Variants in CDH20 observed in about 807,000 individuals in gnomAD.
CDH20 encodes the protein cadherin-20.
In CDH20, 29 loss-of-function variants were observed where a neutral mutation model predicts 74.2. The observed-to-expected ratio is 0.39, with a 90% CI of 0.29 to 0.53. The LOEUF is 0.53. Ranked by LOEUF, CDH20 falls within the 20% of genes least tolerant of loss-of-function variation. The pLI, the probability that CDH20 is intolerant of heterozygous loss-of-function variation, is 0.69. For synonymous variants in CDH20, 469 were observed against 405.4 expected, an observed-to-expected ratio of 1.16 and a Z score of -1.88; for missense variants, 988 against 1,048.3, an observed-to-expected ratio of 0.94 and a Z score of 0.79.
chr18:61,340,226 C>CTTCTTTTTTTT (rs1555669260), intron 1 of CDH20, among the ~76,000 whole-genome samples: 1 of 119,738 alleles, frequency 8.4e-6, no homozygotes, highest in African/African-American at 3.0e-5. Flanking sequence ...CTTCAGCCTT[C>CTTCTTTTTTTT]TTTTTTTTTT....
intron 2 of CDH20, among the ~76,000 whole-genome samples, chr18:61,493,237 C>T (rs1036601849): frequency 1.3e-5 from 2 of 152,114 alleles, no homozygotes; most frequent in Admixed American, 1.3e-4. Flanking sequence ...GCCAGTTTCT[C>T]TCGGATGCAT....
chr18:61,343,517 C>A (rs1910020345), intron 1 of CDH20, among the ~76,000 whole-genome samples: 2 of 152,102 alleles, frequency 1.3e-5, no homozygotes, highest in Non-Finnish European at 2.9e-5. Flanking sequence ...CCTTTAGATA[C>A]CCAGTGTTTC....
At chr18:61,477,494 T>A (rs1158274632) in intron 1 of CDH20, among the ~76,000 whole-genome samples, 4 of 152,240 alleles carry the variant, frequency 2.6e-5, no homozygotes, top group East Asian at 3.8e-4. Flanking sequence ...GTGGCAACAA[T>A]GTTAGAAATT....
chr18:61,391,064 A>C (rs1027893839), intron 1 of CDH20, among the ~76,000 whole-genome samples: 1 of 152,232 alleles, frequency 6.6e-6, no homozygotes, highest in African/African-American at 2.4e-5. Context: ...GCGAACAAAA[A>C]TCTAGCAAAC....
chr18:61,515,794 G>C (rs1409010067), intron 6 of CDH20, among the ~76,000 whole-genome samples: 1 of 132,650 alleles, frequency 7.5e-6, no homozygotes, highest in Non-Finnish European at 1.6e-5. Context: ...CGGGGGAGGG[G>C]GGAGGGATAG....
intron 6 of CDH20, among the ~76,000 whole-genome samples, chr18:61,510,559 G>A (rs1911742132): frequency 6.6e-6 from 1 of 152,160 alleles, no homozygotes; most frequent in African/African-American, 2.4e-5. Context: ...CTTCAGAAGG[G>A]AATAAGGGAC....
chr18:61,462,819 C>G (rs577584850), intron 1 of CDH20, among the ~76,000 whole-genome samples: 60 of 151,950 alleles, frequency 3.9e-4, no homozygotes, highest in Non-Finnish European at 7.4e-4. Context: ...AACACACCTG[C>G]CTGGATGGCA....
intron 1 of CDH20, among the ~76,000 whole-genome samples, chr18:61,424,760 T>C (rs1913010280): frequency 6.6e-6 from 1 of 152,216 alleles, no homozygotes. Context: ...ACCTACCCTC[T>C]GCTAATAAAA....
intron 6 of CDH20, among the ~76,000 whole-genome samples, chr18:61,526,694 G>GAA (rs529531633): frequency 6.7e-6 from 1 of 148,434 alleles, no homozygotes; most frequent in Non-Finnish European, 1.5e-5. Flanking sequence ...TATTTATTTT[G>GAA]AAAAAAAAAA....
At chr18:61,477,907 A>G (rs1373073878) in intron 1 of CDH20, among the ~76,000 whole-genome samples, 1 of 152,130 alleles carries the variant, frequency 6.6e-6, no homozygotes, top group East Asian at 1.9e-4. Flanking sequence ...GTGAAAGTAA[A>G]ATGTTTTTTG....
At chr18:61,340,584 T>C (rs1277329291) in intron 1 of CDH20, among the ~76,000 whole-genome samples, 1 of 152,228 alleles carries the variant, frequency 6.6e-6, no homozygotes, top group African/African-American at 2.4e-5. Flanking sequence ...CTAAGTGTAC[T>C]CATAAGTATT....
At chr18:61,451,680 A>G (rs1909392036) in intron 1 of CDH20, among the ~76,000 whole-genome samples, 1 of 152,138 alleles carries the variant, frequency 6.6e-6, no homozygotes, top group Admixed American at 6.5e-5. Flanking sequence ...TATTGGGAAA[A>G]GAGTTAGCAG....
chr18:61,495,715 G>A (rs1218443068), intron 2 of CDH20, among the ~76,000 whole-genome samples: 2 of 152,084 alleles, frequency 1.3e-5, no homozygotes, highest in African/African-American at 4.8e-5. Flanking sequence ...CCTCCCTTGT[G>A]TGTTGCCCCA....
intron 1 of CDH20, among the ~76,000 whole-genome samples, chr18:61,379,542 T>C (rs1911363167): frequency 6.6e-6 from 1 of 152,206 alleles, no homozygotes; most frequent in South Asian, 2.1e-4. Context: ...GGAATATTCT[T>C]TAGGGCCACA....
chr18:61,394,649 T>C (rs1281777044), intron 1 of CDH20, among the ~76,000 whole-genome samples: 1 of 152,148 alleles, frequency 6.6e-6, no homozygotes, highest in African/African-American at 2.4e-5. Context: ...TTTAAGCCAC[T>C]CCATCTGTGG....
chr18:61,414,325 C>G (rs1190165207), intron 1 of CDH20, among the ~76,000 whole-genome samples: 2 of 152,044 alleles, frequency 1.3e-5, no homozygotes, highest in Non-Finnish European at 2.9e-5. Context: ...AAGAGAAGCA[C>G]AAGGGAAGCT....
chr18:61,509,200 C>T (rs1441271084), intron 6 of CDH20, among the ~76,000 whole-genome samples: 2 of 152,120 alleles, frequency 1.3e-5, no homozygotes, highest in African/African-American at 4.8e-5. Flanking sequence ...ACCAAATACT[C>T]CCTGTACCCC....
chr18:61,500,295 T>C (rs1007790086), intron 3 of CDH20, 88 bp from the exon 4 acceptor site: 2 of 1,396,116 alleles, frequency 1.4e-6, no homozygotes, highest in Middle Eastern at 1.9e-4. Context: ...CAAACACATT[T>C]GCAAATGCTT....
At chr18:61,525,906 T>C (rs1912379620) in intron 6 of CDH20, among the ~76,000 whole-genome samples, 1 of 149,122 alleles carries the variant, frequency 6.7e-6, no homozygotes, top group Non-Finnish European at 1.5e-5. Context: ...CAAACCATCC[T>C]CCTGCCTCTG....
Sources: allele counts gnomAD v4.1 joint callset (sites outside exome capture counted in the v4.1 genomes callset), GRCh38; gene constraint gnomAD v4.1.1; transcripts MANE v1.5; gene names NCBI Gene and HGNC (gene_info 2026-07-23, HGNC 2026-07-21).